Variants in GDPD1 observed in about 807,000 individuals in gnomAD.
The protein encoded by GDPD1 is lysophospholipase D GDPD1.
GDPD1 carries 28 observed loss-of-function variants against 45.1 expected under a neutral mutation model. That is an observed-to-expected ratio of 0.62 (90% CI 0.46 to 0.85). GDPD1 has a LOEUF of 0.85. GDPD1 is among the 40% of genes least tolerant of loss of function. The pLI is 0.00. For missense variants in GDPD1, 256 were observed against 364.8 expected (o/e 0.70, Z 2.43); for synonymous variants, 139 against 131.4 (o/e 1.06, Z -0.40).
intron 2 of GDPD1, among the ~76,000 whole-genome samples, chr17:59,242,249 GAC>G (rs1367438006): frequency 6.6e-6 from 1 of 152,170 alleles, no homozygotes; most frequent in Admixed American, 6.5e-5. Flanking sequence ...TTTTAGTAGA[GAC>G]AGGGTTTTCC....
chr17:59,270,975 T>G lies in GDPD1; in HGVS notation c.750T>G (p.Phe250Leu), dbSNP rs1402142089. The G allele has an allele frequency of 6.2e-7, 1 of 1,603,002 alleles. No individual in the cohort carries two copies. Among genetic ancestry groups the G allele is most frequent in the Non-Finnish European group, 8.5e-7 (1 of 1,172,574 alleles). Reference sequence around the variant, plus strand: ...ACACCATGTCCAGAAGTCAAAAGTTTCTCATCTGGCTTTCTGATCTGTAAG... The same window carrying G: ...ACACCATGTCCAGAAGTCAAAAGTTGCTCATCTGGCTTTCTGATCTGTAAG... ...EPHTMSRSQK[F>L]LIWLSDLLLM... Residue 250 changes from phenylalanine (F) to leucine (L), a missense_variant, in exon 8 of 10, where the codon TTT (phenylalanine) becomes TTG (leucine). By Grantham distance (22) the Phe-to-Leu change is conservative (BLOSUM62 0). Coordinates refer to ENST00000284116, the MANE Select transcript of GDPD1 (RefSeq NM_182569.4).
chr17:59,241,537 T>C (rs989511161), intron 2 of GDPD1, among the ~76,000 whole-genome samples: 9 of 152,034 alleles, frequency 5.9e-5, no homozygotes, highest in African/African-American at 1.9e-4. Flanking sequence ...CAGGGTGGTC[T>C]TGAACTCCTG....
intron 2 of GDPD1, among the ~76,000 whole-genome samples, chr17:59,235,208 A>G (rs1188521375): frequency 6.6e-6 from 1 of 152,086 alleles, no homozygotes; most frequent in East Asian, 1.9e-4. Flanking sequence ...AATGAAAGAC[A>G]TTACCTATCC....
chr17:59,241,172 C>T (rs771054934), intron 2 of GDPD1, among the ~76,000 whole-genome samples: 44 of 152,310 alleles, frequency 2.9e-4, no homozygotes, highest in Middle Eastern at 3.4e-3. Flanking sequence ...ATTGACCATA[C>T]ATTTCTCAGA....
intron 2 of GDPD1, among the ~76,000 whole-genome samples, chr17:59,244,967 G>C (rs929599125): frequency 6.6e-6 from 1 of 152,150 alleles, no homozygotes; most frequent in Non-Finnish European, 1.5e-5. Flanking sequence ...TTGCACTCCA[G>C]CCTGGGCAAC....
intron 3 of GDPD1, among the ~76,000 whole-genome samples, chr17:59,246,015 G>A (rs1340480335): frequency 6.6e-6 from 1 of 151,976 alleles, no homozygotes; most frequent in East Asian, 1.9e-4. Flanking sequence ...AGCTACTTGG[G>A]AGGCTGAGGC....
intron 2 of GDPD1, among the ~76,000 whole-genome samples, chr17:59,242,917 G>A (rs2047185239): frequency 6.6e-6 from 1 of 152,162 alleles, no homozygotes; most frequent in Non-Finnish European, 1.5e-5. Context: ...TCTGTCCAGA[G>A]GCTGGGCATG....
chr17:59,261,691 G>T (rs2047356939), intron 6 of GDPD1, among the ~76,000 whole-genome samples: 1 of 151,452 alleles, frequency 6.6e-6, no homozygotes, highest in Non-Finnish European at 1.5e-5. Flanking sequence ...CAGAGACAGG[G>T]TCTCACTTTG....
At chr17:59,236,461 C>T (rs1328561480) in intron 2 of GDPD1, among the ~76,000 whole-genome samples, 1 of 151,862 alleles carries the variant, frequency 6.6e-6, no homozygotes, top group African/African-American at 2.4e-5. Flanking sequence ...AAGAAGGGAA[C>T]ACCTCTTTCA....
At chr17:59,262,216 A>G (rs533725885) in intron 6 of GDPD1, among the ~76,000 whole-genome samples, 1 of 152,012 alleles carries the variant, frequency 6.6e-6, no homozygotes, top group African/African-American at 2.4e-5. Flanking sequence ...GCATTTTTTT[A>G]AAAATAAAAA....
chr17:59,266,282 G>C (rs1296416410), intron 6 of GDPD1, among the ~76,000 whole-genome samples: 4 of 151,570 alleles, frequency 2.6e-5, no homozygotes, highest in Admixed American at 6.6e-5. Context: ...TAGCTACTTG[G>C]GGGGCTGAGG....
At chr17:59,228,505 T>C (rs758073704) in intron 1 of GDPD1, among the ~76,000 whole-genome samples, 1 of 152,160 alleles carries the variant, frequency 6.6e-6, no homozygotes, top group Non-Finnish European at 1.5e-5. Context: ...GGAGAGACTG[T>C]TTAACTCTGT....
chr17:59,249,972 C>G (rs529173580), intron 4 of GDPD1, among the ~76,000 whole-genome samples: 32 of 151,946 alleles, frequency 2.1e-4, no homozygotes, highest in Admixed American at 1.8e-3. Flanking sequence ...CTCATTTGAG[C>G]CCAAGAGTTG....
intron 3 of GDPD1, among the ~76,000 whole-genome samples, chr17:59,246,900 TG>T (rs1303148340): frequency 6.6e-6 from 1 of 151,158 alleles, no homozygotes; most frequent in Non-Finnish European, 1.5e-5. Flanking sequence ...CCTGAGTAGC[TG>T]GGATTACAGA....
At chr17:59,257,605 A>G (rs1452275438) in intron 5 of GDPD1, 146 bp from the exon 6 acceptor site, 12 of 586,572 alleles carry the variant, frequency 2.0e-5, no homozygotes, top group Non-Finnish European at 3.0e-5. Flanking sequence ...TGCATTTTAT[A>G]AAATATTCTA....
intron 6 of GDPD1, among the ~76,000 whole-genome samples, chr17:59,263,483 C>CTTTTTTTTTTTTTTTT (rs537639356): frequency 3.3e-5 from 4 of 120,310 alleles, no homozygotes; most frequent in Admixed American, 1.1e-4. Flanking sequence ...TTTTCCTTTC[C>CTTTTTTTTTTTTTTTT]TTTTTTTTTT....
chr17:59,256,719 G>T (rs1013823564), intron 4 of GDPD1, among the ~76,000 whole-genome samples: 6 of 152,094 alleles, frequency 3.9e-5, no homozygotes, highest in Non-Finnish European at 7.3e-5. Context: ...TTGCAAGAAG[G>T]TTACCACTGG....
At chr17:59,255,171 G>A (rs745707174) in intron 4 of GDPD1, among the ~76,000 whole-genome samples, 20 of 151,992 alleles carry the variant, frequency 1.3e-4, no homozygotes, top group East Asian at 1.2e-3. Flanking sequence ...ATAATAAGAC[G>A]GAATAAAGGA....
rs192403592 is a variant in GDPD1, at chr17:59,242,164, G to A, written c.186-3250G>A. ...TGCAACCTCCACTTCCTGGGTTCAC[G>A]AGATTCTTCTGCCTCAGCCTTCCGA... On this transcript the variant is annotated intron_variant, in intron 2 of 9. Transcript: ENST00000284116. Among the ~76,000 whole-genome samples, 7 of 152,230 alleles carry A rather than the reference G, an allele frequency of 4.6e-5. No individual in the cohort carries two copies. The East Asian group carries it at 1.4e-3, about 29-fold the overall frequency.
Sources: allele counts gnomAD v4.1 joint callset (sites outside exome capture counted in the v4.1 genomes callset), GRCh38; gene constraint gnomAD v4.1.1; transcripts MANE v1.5; gene names NCBI Gene and HGNC (gene_info 2026-07-23, HGNC 2026-07-21).